The following CD38 variants were observed in gnomAD, a reference collection of about 807,000 sequenced individuals.
CD38 encodes ADP-ribosyl cyclase/cyclic ADP-ribose hydrolase 1.
A neutral mutation model predicts 36.3 loss-of-function variants in CD38; 31 were observed. The observed-to-expected ratio is 0.85, with a 90% confidence interval of 0.64 to 1.15. CD38 has a LOEUF of 1.15. Among genes scored for constraint, CD38 ranks in the 50% most tolerant of loss-of-function variants. The pLI, the probability that CD38 is intolerant of heterozygous loss-of-function variation, is 0.00. For missense variants in CD38, 380 were observed against 371.9 expected, an observed-to-expected ratio of 1.02 and a Z score of -0.18; for synonymous variants, 131 against 135.2, an observed-to-expected ratio of 0.97 and a Z score of 0.22.
chr4:15,817,586 T>G (rs553521478), intron 2 of CD38, among the ~76,000 whole-genome samples: 80 of 152,362 alleles, frequency 5.3e-4, no homozygotes, highest in African/African-American at 1.9e-3. Context: ...ACCCCATTAG[T>G]TTATTTCAGT....
intron 1 of CD38, among the ~76,000 whole-genome samples, chr4:15,786,145 A>G (rs1353936268): frequency 6.6e-6 from 1 of 152,222 alleles, no homozygotes; most frequent in Non-Finnish European, 1.5e-5. Flanking sequence ...CAGCAGCAAG[A>G]TTTATTGCAA....
At chr4:15,841,333 T>C (rs1577662507) in intron 7 of CD38, among the ~76,000 whole-genome samples, 1 of 152,188 alleles carries the variant, frequency 6.6e-6, no homozygotes, top group East Asian at 1.9e-4. Flanking sequence ...CCTGTTTCCA[T>C]GTCACTACCT....
intron 3 of CD38, chr4:15,825,553 C>G (rs535196571): frequency 6.6e-6 from 1 of 152,650 alleles, no homozygotes; most frequent in African/African-American, 2.4e-5. Context: ...AGTTAAATAT[C>G]CAAACTATAG....
intron 2 of CD38, among the ~76,000 whole-genome samples, chr4:15,818,163 TG>T (rs1293253991): frequency 1.8e-5 from 1 of 55,530 alleles, no homozygotes; most frequent in Non-Finnish European, 4.0e-5. Flanking sequence ...TGGAGCTGGG[TG>T]GGGGGAGGGG....
chr4:15,791,089 G>A (rs1722972270), intron 1 of CD38, among the ~76,000 whole-genome samples: 1 of 130,574 alleles, frequency 7.7e-6, no homozygotes, highest in Non-Finnish European at 1.6e-5. Flanking sequence ...CCGTCCGGGA[G>A]GTGAGGGGCT....
chr4:15,821,091 T>C (rs184021248), intron 2 of CD38, among the ~76,000 whole-genome samples: 13 of 152,300 alleles, frequency 8.5e-5, no homozygotes, highest in Admixed American at 2.6e-4. Flanking sequence ...GAATGACTCC[T>C]GGGTAAATAA....
At chr4:15,787,576 C>T (rs903218689) in intron 1 of CD38, among the ~76,000 whole-genome samples, 3 of 152,196 alleles carry the variant, frequency 2.0e-5, no homozygotes, top group East Asian at 1.9e-4. Flanking sequence ...TAGGGAGTCA[C>T]GACGCCTTGT....
At chr4:15,825,080 G>A in intron 3 of CD38, 64 bp downstream of exon 3, 3 of 1,518,832 alleles carry the variant, frequency 2.0e-6, no homozygotes, top group Non-Finnish European at 2.7e-6. Context: ...GACTTCTGCT[G>A]GAGGCCCTGA....
chr4:15,801,709 T>C (rs1034555284), intron 1 of CD38, among the ~76,000 whole-genome samples: 7 of 152,088 alleles, frequency 4.6e-5, no homozygotes, highest in Admixed American at 3.3e-4. Context: ...ATCACCACAA[T>C]AGATGCAGAA....
chr4:15,848,676 C>G lies in CD38; in HGVS notation c.*74C>G. 7.9e-7 allele frequency: 1 copy of G among 1,259,122 alleles called. No homozygotes were observed. The allele number at this position is 1,259,122 out of a possible 1,614,324, so 78.0% of individuals were successfully genotyped here. Reference sequence around the variant, plus strand: ...CATCATACATGACTCAGCATACCTGCTGGTGCAGAGCTGAAGATTTTGGAG... The same window carrying G: ...CATCATACATGACTCAGCATACCTGGTGGTGCAGAGCTGAAGATTTTGGAG... On this transcript the variant is annotated 3_prime_UTR_variant, in exon 8 of 8. Coordinates refer to ENST00000226279, the MANE Select transcript of CD38 (RefSeq NM_001775.4).
At chr4:15,787,932 C>T (rs2148914612) in intron 1 of CD38, among the ~76,000 whole-genome samples, 1 of 152,256 alleles carries the variant, frequency 6.6e-6, no homozygotes, top group Middle Eastern at 3.4e-3. Flanking sequence ...GGTTGGTTTC[C>T]GGAAGTAAAC....
intron 2 of CD38, among the ~76,000 whole-genome samples, chr4:15,820,702 A>G (rs1723713825): frequency 6.6e-6 from 1 of 152,186 alleles, no homozygotes; most frequent in Non-Finnish European, 1.5e-5. Flanking sequence ...GTTCTTAGAG[A>G]CCTTCAAAGA....
At chr4:15,827,496 A>T (rs1723873247) in intron 3 of CD38, among the ~76,000 whole-genome samples, 8 of 152,148 alleles carry the variant, frequency 5.3e-5, no homozygotes. Flanking sequence ...CTTCCCACCT[A>T]GAATATGGTA....
In CD38 at chr4:15,849,546, T is replaced by A. The variant is rs1055973493; in HGVS notation, c.*944T>A. 2 of 152,256 alleles carry A rather than the reference T, an allele frequency of 1.3e-5. No individual in the cohort carries two copies. The highest frequency in any genetic ancestry group is 3.8e-4 in the East Asian group (2 of 5,204). The allele number at this position is 152,256 out of a possible 1,614,324, so 9.4% of individuals were successfully genotyped here. On this transcript the variant is annotated 3_prime_UTR_variant, in exon 8 of 8. Transcript: ENST00000226279. ...TCCCCCGTCTTCCTCCTCCTCTTCA[T>A]GCTCAGTGTTTTATATATGTAGTAT...
At chr4:15,785,944 G>A (rs1247292666) in intron 1 of CD38, among the ~76,000 whole-genome samples, 1 of 152,176 alleles carries the variant, frequency 6.6e-6, no homozygotes, top group African/African-American at 2.4e-5. Context: ...GGCTTCAGGA[G>A]TGAAGCTGCA....
At position 15,849,649 on chromosome 4, in the gene CD38, G is replaced by A. The variant is rs1435014491; in HGVS notation, c.*1047G>A. 1 of 152,100 alleles carries A rather than the reference G, an allele frequency of 6.6e-6. No homozygotes were observed. Among genetic ancestry groups the A allele is most frequent in the Non-Finnish European group, 1.5e-5 (1 of 68,026 alleles). 9.4% of individuals were successfully genotyped at this position (152,100 alleles called of 1,614,324 possible). On this transcript the variant is annotated 3_prime_UTR_variant, in exon 8 of 8. Coordinates refer to ENST00000226279, the MANE Select transcript of CD38 (RefSeq NM_001775.4). ...TTTCATGGATTAACCTTGCTTGAGG[G>A]CTTTAACAATTGTATTACTTTTTCA...
At chr4:15,831,820 A>T (rs972995927) in intron 3 of CD38, among the ~76,000 whole-genome samples, 1 of 152,014 alleles carries the variant, frequency 6.6e-6, no homozygotes, top group Non-Finnish European at 1.5e-5. Flanking sequence ...TGGGATATTG[A>T]TATCTTTCTC....
intron 1 of CD38, among the ~76,000 whole-genome samples, chr4:15,795,713 C>T (rs1723091931): frequency 6.6e-6 from 1 of 151,986 alleles, no homozygotes; most frequent in Non-Finnish European, 1.5e-5. Context: ...TTCTATTATA[C>T]GATGTTTTAA....
intron 7 of CD38, among the ~76,000 whole-genome samples, chr4:15,847,648 T>G: frequency 9.5e-6 from 1 of 105,470 alleles, no homozygotes. Flanking sequence ...ATCTGACGAG[T>G]CTAAGCTGTT....
Sources: allele counts gnomAD v4.1 joint callset (sites outside exome capture counted in the v4.1 genomes callset), GRCh38; gene constraint gnomAD v4.1.1; transcripts MANE v1.5; gene names NCBI Gene and HGNC (gene_info 2026-07-23, HGNC 2026-07-21).